Variants in HSPG2 observed in about 807,000 individuals in gnomAD.
The protein encoded by HSPG2 is basement membrane-specific heparan sulfate proteoglycan core protein.
A neutral mutation model predicts 526.6 loss-of-function variants in HSPG2; 278 were observed. The observed-to-expected ratio is 0.53, with a 90% CI of 0.48 to 0.58. HSPG2 has a LOEUF of 0.58. Among genes scored for constraint, HSPG2 ranks in the 20% least tolerant of loss-of-function variants. The pLI is 0.00. For synonymous variants in HSPG2, 2,465 were observed against 2,555.4 expected, an observed-to-expected ratio of 0.96 and a Z score of 1.07; for missense variants, 5,354 against 6,099.5, an observed-to-expected ratio of 0.88 and a Z score of 4.07.
Position 21,854,990 on chromosome 1 carries a change from T to C in HSPG2, c.5998-7A>G, listed in dbSNP as rs148336692. The C allele has an allele frequency of 0.018, 28,374 of 1,611,370 alleles. 312 individuals carry two copies. Among genetic ancestry groups the C allele is most frequent in the Non-Finnish European group, 0.021 (24,437 of 1,179,912 alleles). On this transcript the variant is annotated splice_region_variant and splice_polypyrimidine_tract_variant and intron_variant, in intron 47 of 96. Transcript: ENST00000374695. The stretch of plus-strand genomic sequence containing the variant: ...CTGTGCGCTCTGACCGGGCCTGCCG[T>C]GGGTGAGATGGGTCAGCTGCCCCAG...
chr1:21,857,699 G>T (rs1183717107), intron 42 of HSPG2, among the ~76,000 whole-genome samples: 1 of 152,126 alleles, frequency 6.6e-6, no homozygotes, highest in Non-Finnish European at 1.5e-5. Context: ...TCTCCGTCTG[G>T]TTTGAGTTTC....
intron 37 of HSPG2, among the ~76,000 whole-genome samples, chr1:21,863,071 A>AAAAAAAAAAC (rs1639942641): frequency 2.2e-5 from 3 of 137,218 alleles, no homozygotes; most frequent in Admixed American, 7.2e-5. Flanking sequence ...AAAAAAAAAA[A>AAAAAAAAAAC]AAAAAAAAAA....
At position 21,848,677 on chromosome 1, in the gene HSPG2, T is replaced by C; in HGVS notation, c.7703A>G (p.Tyr2568Cys). 6.2e-7 allele frequency: 1 copy of C among 1,613,776 alleles called. No homozygotes were observed. The highest frequency in any genetic ancestry group is 1.1e-5 in the South Asian group (1 of 91,070). ...GCTGGGTAAGCTGCCTCCACGCTTA[T>C]ACCAGGTGATGGTGTGGGGAGCCTG... is the stretch of plus-strand genomic sequence containing the variant. ...ASQAPHTITW[Y>C]KRGGSLPSRH... Residue 2568 changes from tyrosine (Y) to cysteine (C), a missense_variant, in exon 59 of 97, where the codon TAT (tyrosine) becomes TGT (cysteine). By Grantham distance (194) the Tyr-to-Cys change is radical. Transcript: ENST00000374695. The surrounding 1 kb of genome is among the most constrained non-coding windows in gnomAD (Gnocchi z 4.9).
chr1:21,828,514 G>A lies in HSPG2; in HGVS notation c.12238-88C>T, dbSNP rs2097986926. ...GCAGGGAGAAGAATGCAGCAGAGGG[G>A]AGCTGGGAGCCCACATTGGGCCCTG... On this transcript the variant is annotated intron_variant, in intron 88 of 96. Transcript: ENST00000374695. The surrounding 1 kb of genome is among the most constrained non-coding windows in gnomAD (Gnocchi z 6.0). The A allele has an allele frequency of 2.8e-6, 4 of 1,415,612 alleles. No homozygotes were observed. The highest frequency in any genetic ancestry group is 3.9e-6 in the Non-Finnish European group (4 of 1,019,900). The allele number at this position is 1,415,612 out of a possible 1,614,324, so 87.7% of individuals were successfully genotyped here.
In HSPG2 at chr1:21,848,054, C is replaced by T. The variant is rs1638591958; in HGVS notation, c.7777G>A (p.Ala2593Thr). The stretch of plus-strand genomic sequence containing the variant: ...TGACACACGTACTCGCCCGAGTCTG[C>T]CGGAGTCACCTGAGGGATCCGCAGC... ...SRLRIPQVTP[A>T]DSGEYVCHVS... is the part of the protein sequence containing the mutation. The change falls in exon 60 of 97, where the codon GCA becomes ACA. Residue 2593 changes from alanine to threonine, a missense_variant. Ala to Thr is a moderately conservative substitution (Grantham distance 58). Coordinates refer to ENST00000374695, the MANE Select transcript of HSPG2 (RefSeq NM_005529.7). This position sits in a 1 kb window ranked among gnomAD's most constrained non-coding sequence, Gnocchi z 4.9. 1.2e-6 allele frequency: 2 copies of T among 1,612,774 alleles called. No individual in the cohort carries two copies.
rs767018903 is a variant in HSPG2, at chr1:21,878,625, G to C, written c.2510C>G (p.Ala837Gly). The change falls in exon 19 of 97, where the codon GCC becomes GGC. Residue 837 changes from alanine (A) to glycine (G), a missense_variant. By Grantham distance (60) the Ala-to-Gly change is moderately conservative (BLOSUM62 0). Transcript: ENST00000374695. ...GCCTGGGGCACAGGCGTCACATGTGGCTTGGCCATCCGTGTCCAGGAAGCA... is the reference window on the plus strand; with the variant it reads ...GCCTGGGGCACAGGCGTCACATGTGCCTTGGCCATCCGTGTCCAGGAAGCA... ...DTCFLDTDGQ[A>G]TCDACAPGYT... 1.9e-6 allele frequency: 3 copies of C among 1,614,042 alleles called. No individual in the cohort carries two copies. Among genetic ancestry groups the C allele is most frequent in the Admixed American group, 3.3e-5 (2 of 60,006 alleles).
intron 74 of HSPG2, among the ~76,000 whole-genome samples, chr1:21,837,832 C>T (rs558279780): frequency 7.2e-4 from 110 of 152,230 alleles, no homozygotes; most frequent in African/African-American, 2.1e-3. Flanking sequence ...CTCCACTTTA[C>T]AGATAAAGAA....
rs552631601 is a variant in HSPG2, at chr1:21,823,238, T to C, written c.*78A>G. 7.9e-6 allele frequency: 10 copies of C among 1,264,800 alleles called. No homozygotes were observed. The East Asian group carries it at 2.4e-4, about 30-fold the overall frequency. The allele number at this position is 1,264,800 out of a possible 1,614,324, so 78.3% of individuals were successfully genotyped here. ...CGCCTCGGTTTCTTACAAAAATTCA[T>C]AATAATATTAATAATAATATACTCG... On this transcript the variant is annotated 3_prime_UTR_variant, in exon 97 of 97. Coordinates refer to ENST00000374695, the MANE Select transcript of HSPG2 (RefSeq NM_005529.7).
At position 21,864,213 on chromosome 1, in the gene HSPG2, C is replaced by A; in HGVS notation, c.4627G>T (p.Asp1543Tyr). Reference protein sequence around the residue: ...PPGYIGLSCQDCAPGYTRTGS... With the variant: ...PPGYIGLSCQYCAPGYTRTGS... Reference sequence around the variant, plus strand: ...GTGCGCGTGTAGCCGGGGGCACAGTCCTAGGGGCAGAGAGGAAGGTTGGCC... The same window carrying A: ...GTGCGCGTGTAGCCGGGGGCACAGTACTAGGGGCAGAGAGGAAGGTTGGCC... The change falls in exon 37 of 97, where the codon GAC becomes TAC. Residue 1543 changes from aspartate (D) to tyrosine (Y), a missense_variant and splice_region_variant. Physicochemically the swap from Asp to Tyr is radical, Grantham distance 160. Coordinates refer to ENST00000374695, the MANE Select transcript of HSPG2 (RefSeq NM_005529.7). The surrounding 1 kb of genome is among the most constrained non-coding windows in gnomAD (Gnocchi z 4.8). 6.4e-7 allele frequency: 1 copy of A among 1,551,198 alleles called. No homozygotes were observed. The highest frequency in any genetic ancestry group is 1.2e-5 in the South Asian group (1 of 84,042).
rs909847685 is a variant in HSPG2 at position 21,898,432 on chromosome 1, G to C, written c.64-2122C>G. 6.6e-6 allele frequency among the ~76,000 whole-genome samples: 1 copy of C among 152,224 alleles called. No homozygotes were observed. Among genetic ancestry groups the C allele is most frequent in the South Asian group, 2.1e-4 (1 of 4,824 alleles). On this transcript the variant is annotated intron_variant, in intron 1 of 96. Transcript: ENST00000374695. The surrounding 1 kb of genome is among the most constrained non-coding windows in gnomAD (Gnocchi z 4.0). ...GTGGACTTCTAGGCTGTGCCCGTGG[G>C]ATGCGCATTCAGGAGTGTGCTTTAG... is the stretch of plus-strand genomic sequence containing the variant.
intron 1 of HSPG2, among the ~76,000 whole-genome samples, chr1:21,923,795 G>A (rs928092111): frequency 2.0e-5 from 3 of 150,582 alleles, no homozygotes; most frequent in African/African-American, 7.3e-5. Flanking sequence ...AGCCCACGGT[G>A]GTGTTTAGAT....
At position 21,887,413 on chromosome 1, in the gene HSPG2, T is replaced by C. The variant is rs376816484; in HGVS notation, c.958+7A>G. ...CCGCACCCACCTGCACCCCTGCCGG[T>C]GCGCACCACAGTCTAGCTCATCGCT... On this transcript the variant is annotated splice_region_variant and intron_variant, in intron 8 of 96. Coordinates refer to ENST00000374695, the MANE Select transcript of HSPG2 (RefSeq NM_005529.7). This position sits in a 1 kb window ranked among gnomAD's most constrained non-coding sequence, Gnocchi z 5.0. 361 of 1,613,960 alleles carry C rather than the reference T, an allele frequency of 2.2e-4. 1 individual carries two copies. In the African/African-American group the frequency reaches 4.5e-3, roughly 20 times the overall value.
chr1:21,904,735 G>T lies in HSPG2; in HGVS notation c.64-8425C>A, dbSNP rs1376753596. Among the ~76,000 whole-genome samples, 1 of 152,290 alleles carries T rather than the reference G, an allele frequency of 6.6e-6. No homozygotes were observed. The highest frequency in any genetic ancestry group is 2.1e-4 in the South Asian group (1 of 4,826). ...CTGGACTGGGCTGCCCAGCAAGAAG[G>T]TCCCTGGGGGTCGAACACTATCTGC... is the stretch of plus-strand genomic sequence containing the variant. On this transcript the variant is annotated intron_variant, in intron 1 of 96. Transcript: ENST00000374695. This position sits in a 1 kb window ranked among gnomAD's most constrained non-coding sequence, Gnocchi z 4.4.
intron 1 of HSPG2, among the ~76,000 whole-genome samples, chr1:21,936,884 G>A (rs372323401): frequency 6.6e-6 from 1 of 152,150 alleles, no homozygotes; most frequent in Non-Finnish European, 1.5e-5. Context: ...TCCAGCACTC[G>A]GCAACGTGGC....
intron 1 of HSPG2, among the ~76,000 whole-genome samples, chr1:21,919,151 C>G (rs12082762): frequency 6.6e-6 from 1 of 152,196 alleles, no homozygotes; most frequent in Admixed American, 6.5e-5. Flanking sequence ...AGGGGCTGGG[C>G]GCAGTGGCTC....
rs752215195 is a variant in HSPG2, at chr1:21,896,298, G to A, written c.76C>T (p.Leu26=). Reference sequence around the variant, plus strand: ...AGAGACAAGCCATCGTATGCCCTCAGCCCATGGGTCACCTGTAAGCAAACG... The same window carrying A: ...AGAGACAAGCCATCGTATGCCCTCAACCCATGGGTCACCTGTAAGCAAACG... The part of the protein sequence containing the change: ...HGRLLAVTHG[L]RAYDGLSLPE... Residue 26 remains leucine, a synonymous_variant, in exon 2 of 97, where the codon CTG becomes TTG. Coordinates refer to ENST00000374695, the MANE Select transcript of HSPG2 (RefSeq NM_005529.7). The A allele has an allele frequency of 4.3e-6, 7 of 1,613,418 alleles. No homozygotes were observed. Among genetic ancestry groups the A allele is most frequent in the Non-Finnish European group, 2.5e-6 (3 of 1,180,022 alleles).
In HSPG2 at chr1:21,864,662, T is replaced by C. The variant is rs1640084727; in HGVS notation, c.4626+181A>G. 6.6e-6 allele frequency among the ~76,000 whole-genome samples: 1 copy of C among 152,196 alleles called. No homozygotes were observed. The highest frequency in any genetic ancestry group is 1.5e-5 in the Non-Finnish European group (1 of 68,030). On this transcript the variant is annotated intron_variant, in intron 36 of 96. Coordinates refer to ENST00000374695, the MANE Select transcript of HSPG2 (RefSeq NM_005529.7). This position sits in a 1 kb window ranked among gnomAD's most constrained non-coding sequence, Gnocchi z 4.8. ...CACTCACCCCTCAGCACCTCTATTTTTTTACCTGTTAAAGGGGATAATGAT... is the reference window on the plus strand; with the variant it reads ...CACTCACCCCTCAGCACCTCTATTTCTTTACCTGTTAAAGGGGATAATGAT...
At chr1:21,840,154 T>G in intron 71 of HSPG2, 137 bp from the exon 72 acceptor site, 1 of 723,898 alleles carries the variant, frequency 1.4e-6, no homozygotes, top group Non-Finnish European at 2.3e-6. Flanking sequence ...ATATTTATTT[T>G]TTGAGACAGG....
intron 21 of HSPG2, 39 bp downstream of exon 21, chr1:21,878,147 G>A (rs1480993523): frequency 1.3e-6 from 2 of 1,589,134 alleles, no homozygotes; most frequent in African/African-American, 1.3e-5. Flanking sequence ...GTGGTGCTGG[G>A]CCCAAGGCCC....
Sources: allele counts gnomAD v4.1 joint callset (sites outside exome capture counted in the v4.1 genomes callset), GRCh38; gene constraint gnomAD v4.1.1; non-coding constraint Gnocchi (gnomAD v3.1); transcripts MANE v1.5; gene names NCBI Gene and HGNC (gene_info 2026-07-23, HGNC 2026-07-21).